The following GLIS3 variants were observed in gnomAD, a reference collection of about 807,000 sequenced individuals.
The protein encoded by GLIS3 is GLIS family zinc finger 3, also known as zinc finger protein GLIS3.
Under a neutral mutation model 78.6 loss-of-function variants are expected in GLIS3, and 53 were observed. The ratio of observed to expected loss-of-function variants is 0.67; its 90% CI spans 0.54 to 0.85. The LOEUF (loss-of-function observed/expected upper bound fraction) is 0.85, where lower values mean the gene tolerates loss of function less well. Among genes scored for constraint, GLIS3 ranks in the 40% least tolerant of loss-of-function variants. The pLI, the probability that GLIS3 is intolerant of heterozygous loss-of-function variation, is 0.00. For missense variants in GLIS3, 1,703 were observed against 1,231.1 expected, an observed-to-expected ratio of 1.38 and a Z score of -5.74; for synonymous variants, 684 against 509.9, an observed-to-expected ratio of 1.34 and a Z score of -4.60.
chr9:4,123,900 A>G (rs909251932), intron 3 of GLIS3: 3 of 396,962 alleles, frequency 7.6e-6, no homozygotes, highest in African/African-American at 4.1e-5. Context: ...GCAGCTTTTC[A>G]TAGGGCAGCA....
chr9:4,037,547 A>AACACACACACACACACACACACACAC (rs56254712), intron 4 of GLIS3, among the ~76,000 whole-genome samples: 18 of 147,378 alleles, frequency 1.2e-4, no homozygotes, highest in African/African-American at 2.8e-4. Flanking sequence ...GTGTGCACAC[A>AACACACACACACACACACACACACAC]ACACACACAC....
intron 4 of GLIS3, among the ~76,000 whole-genome samples, chr9:4,082,185 A>G (rs1254487771): frequency 6.6e-6 from 1 of 152,226 alleles, no homozygotes; most frequent in Non-Finnish European, 1.5e-5. Flanking sequence ...TCCGAGTAAG[A>G]GCATCATGCA....
At chr9:4,373,078 C>T in the GLIS3 span, among the ~76,000 whole-genome samples, 84 of 152,264 alleles carry the variant, frequency 5.5e-4, no homozygotes, top group Middle Eastern at 0.017. Context: ...TAGGGATAAC[C>T]CCCAGAAAAG....
chr9:4,172,615 T>C (rs904375226), intron 2 of GLIS3, among the ~76,000 whole-genome samples: 2 of 152,176 alleles, frequency 1.3e-5, no homozygotes, highest in African/African-American at 4.8e-5. Context: ...GATAAATGAA[T>C]AAATGAGTGA....
chr9:4,266,086 T>C (rs1164418024), intron 2 of GLIS3, among the ~76,000 whole-genome samples: 2 of 151,840 alleles, frequency 1.3e-5, no homozygotes, highest in African/African-American at 4.8e-5. Flanking sequence ...GCCCGGCTAA[T>C]TTTTTGTATT....
At chr9:4,237,610 G>C (rs995420533) in intron 2 of GLIS3, among the ~76,000 whole-genome samples, 1 of 152,076 alleles carries the variant, frequency 6.6e-6, no homozygotes, top group Non-Finnish European at 1.5e-5. Context: ...ACCAAATTCT[G>C]TTACCATTTT....
At position 4,230,183 on chromosome 9, in the gene GLIS3, T is replaced by C. The variant is rs191055709; in HGVS notation, c.388+55855A>G. Among the ~76,000 whole-genome samples, 28 of 152,258 alleles carry C rather than the reference T, an allele frequency of 1.8e-4. No homozygotes were observed. The East Asian group carries it at 4.1e-3, about 22-fold the overall frequency. On this transcript the variant is annotated intron_variant, in intron 2 of 10. Transcript: ENST00000381971. ...CTAAACACATATTTTATATTGAAAA[T>C]TTAATTTTAAAAAGTGAAAACCAGT...
intron 2 of GLIS3, among the ~76,000 whole-genome samples, chr9:4,240,894 A>T (rs769845240): frequency 6.6e-6 from 1 of 152,160 alleles, no homozygotes; most frequent in Non-Finnish European, 1.5e-5. Context: ...ATATAAATAA[A>T]AATTAATGAC....
chr9:3,840,411 A>G (rs1818640088), intron 9 of GLIS3, among the ~76,000 whole-genome samples: 1 of 152,150 alleles, frequency 6.6e-6, no homozygotes, highest in Non-Finnish European at 1.5e-5. Flanking sequence ...CTCCTGGAAG[A>G]GGTATAAAAA....
intron 4 of GLIS3, among the ~76,000 whole-genome samples, chr9:4,107,145 A>C (rs1325878578): frequency 6.6e-6 from 1 of 152,206 alleles, no homozygotes; most frequent in Admixed American, 6.5e-5. Context: ...ACTCATGGAA[A>C]GCTCCAAGAT....
Position 4,118,248 on chromosome 9 carries a change from G to C in GLIS3, c.1230C>G (p.His410Gln), listed in dbSNP as rs1009493092. 1 of 1,591,306 alleles carries C rather than the reference G, an allele frequency of 6.3e-7. No homozygotes were observed. Reference protein sequence around the residue: ...HGGLQPGLVNHMVVQHGLPGP... With the variant: ...HGGLQPGLVNQMVVQHGLPGP... The stretch of plus-strand genomic sequence containing the variant: ...CCGGCAGGCCATGCTGCACCACCAT[G>C]TGGTTGACCAGGCCTGGCTGCAGGC... Residue 410 changes from histidine to glutamine, a missense_variant, in exon 4 of 11, where the codon CAC (histidine) becomes CAG (glutamine). By Grantham distance (24) the His-to-Gln change is conservative (BLOSUM62 0). Coordinates refer to ENST00000381971, the MANE Select transcript of GLIS3 (RefSeq NM_001042413.2). The surrounding 1 kb of genome is among the most constrained non-coding windows in gnomAD (Gnocchi z 4.7).
At chr9:4,414,163 G>T in the GLIS3 span, among the ~76,000 whole-genome samples, 5 of 152,130 alleles carry the variant, frequency 3.3e-5, no homozygotes, top group Admixed American at 2.0e-4. Context: ...GGGTAGAATT[G>T]AGAGTCAAAA....
chr9:4,020,323 T>G (rs1365271774), intron 4 of GLIS3, among the ~76,000 whole-genome samples: 1 of 152,220 alleles, frequency 6.6e-6, no homozygotes, highest in Non-Finnish European at 1.5e-5. Flanking sequence ...TTTGTTTTGT[T>G]TTTTTCTTAA....
In GLIS3 at chr9:3,855,749, T is replaced by G. The variant is rs552878065; in HGVS notation, c.2473+260A>C. 2.5e-4 allele frequency: 117 copies of G among 470,496 alleles called. 2 individuals are homozygous for G. The highest frequency in any genetic ancestry group is 1.2e-3 in the Middle Eastern group (2 of 1,606). 29.1% of individuals were successfully genotyped at this position (470,496 alleles called of 1,614,324 possible). ...TAGAAACAGGATGCTATTGCTGGTGTTAGAGCCCTGGCCAATGAAAAAACC... is the reference window on the plus strand; with the variant it reads ...TAGAAACAGGATGCTATTGCTGGTGGTAGAGCCCTGGCCAATGAAAAAACC... On this transcript the variant is annotated intron_variant, in intron 9 of 10. Transcript: ENST00000381971.
intron 2 of GLIS3, among the ~76,000 whole-genome samples, chr9:4,322,460 C>A (rs1348265023): frequency 3.3e-5 from 5 of 152,102 alleles, no homozygotes; most frequent in Non-Finnish European, 1.5e-5. Flanking sequence ...AGTTCTAGAT[C>A]CTTGAGGAAT....
At chr9:3,990,159 T>A (rs1441425054) in intron 4 of GLIS3, among the ~76,000 whole-genome samples, 1 of 152,214 alleles carries the variant, frequency 6.6e-6, no homozygotes, top group Non-Finnish European at 1.5e-5. Context: ...CAAGGCCTGC[T>A]GTACAATGTG....
intron 9 of GLIS3, among the ~76,000 whole-genome samples, chr9:3,835,207 A>G (rs1240204695): frequency 6.6e-6 from 1 of 152,212 alleles, no homozygotes; most frequent in Non-Finnish European, 1.5e-5. Context: ...AACTGTGGGC[A>G]CTAGGAAAAG....
At chr9:3,850,619 C>G (rs1819367468) in intron 9 of GLIS3, among the ~76,000 whole-genome samples, 2 of 152,194 alleles carry the variant, frequency 1.3e-5, no homozygotes, top group South Asian at 4.1e-4. Context: ...CCAGTCTCTA[C>G]ACAGCACTCT....
At chr9:4,120,544 T>G (rs1832097180) in intron 3 of GLIS3, among the ~76,000 whole-genome samples, 1 of 152,220 alleles carries the variant, frequency 6.6e-6, no homozygotes, top group Non-Finnish European at 1.5e-5. Flanking sequence ...CCTGCAGAGC[T>G]CAGCTGAAGG....
Sources: gnomAD v4.1 joint callset for allele counts (sites outside exome capture counted in the v4.1 genomes callset) on GRCh38, gnomAD v4.1.1 for gene constraint, Gnocchi (gnomAD v3.1) non-coding constraint, MANE v1.5 for transcripts, NCBI Gene and HGNC (gene_info 2026-07-23, HGNC 2026-07-21) for gene names.